TRMT11: variants seen among roughly 807,000 people sequenced by gnomAD.
The protein encoded by TRMT11 is tRNA (guanine(10)-N(2))-methyltransferase TRMT11.
In TRMT11, 53 loss-of-function variants were observed where a neutral mutation model predicts 62.8. The observed-to-expected ratio is 0.84, with a 90% CI of 0.68 to 1.06. TRMT11 has a LOEUF of 1.06. TRMT11 is among the 50% of genes least tolerant of loss of function. TRMT11 has a pLI of 0.00. For synonymous variants in TRMT11, 188 were observed against 190.3 expected, an observed-to-expected ratio of 0.99 and a Z score of 0.10; for missense variants, 556 against 553.4, an observed-to-expected ratio of 1.00 and a Z score of -0.05.
At chr6:126,205,942 C>T (rs553237581), downstream of TRMT11, among the ~76,000 whole-genome samples, 25 of 150,934 alleles carry the variant, frequency 1.7e-4, no homozygotes, top group East Asian at 1.4e-3. Context: ...CACACACATG[C>T]GCGCACACAC....
chr6:126,136,945 GAA>G (rs71272315), intron 21 of TRMT11, among the ~76,000 whole-genome samples: 1 of 144,970 alleles, frequency 6.9e-6, no homozygotes, highest in East Asian at 2.1e-4. Context: ...GTAGAAAAAT[GAA>G]AAAAAAAAGA....
chr6:126,105,569 C>T (rs930935837), intron 17 of TRMT11, among the ~76,000 whole-genome samples: 1 of 151,598 alleles, frequency 6.6e-6, no homozygotes. Context: ...TCGGTTTCCT[C>T]AGAGCATGCA....
the TRMT11 span, among the ~76,000 whole-genome samples, chr6:126,239,794 T>G: frequency 6.6e-6 from 1 of 152,196 alleles, no homozygotes; most frequent in Non-Finnish European, 1.5e-5. Flanking sequence ...ATAGTATCCT[T>G]CAGAGTGTTT....
At chr6:126,086,963 G>C (rs182393925) in intron 17 of TRMT11, among the ~76,000 whole-genome samples, 3 of 152,088 alleles carry the variant, frequency 2.0e-5, no homozygotes, top group Non-Finnish European at 4.4e-5. Context: ...TTGTGTTCTG[G>C]TTCTCTTTTA....
intron 21 of TRMT11, among the ~76,000 whole-genome samples, chr6:126,140,651 A>G (rs1044280713): frequency 2.6e-5 from 4 of 152,196 alleles, no homozygotes; most frequent in Admixed American, 1.3e-4. Context: ...TAAAATTTCC[A>G]CCTTAAAATG....
chr6:125,991,253 A>G (rs545671716), intron 1 of TRMT11, among the ~76,000 whole-genome samples: 464 of 151,702 alleles, frequency 3.1e-3, no homozygotes, highest in Non-Finnish European at 5.7e-3. Flanking sequence ...CTCAAAAAAA[A>G]AAAAAAAATT....
At chr6:126,091,152 C>T (rs757296496) in intron 17 of TRMT11, among the ~76,000 whole-genome samples, 2 of 150,542 alleles carry the variant, frequency 1.3e-5, no homozygotes, top group Non-Finnish European at 3.0e-5. Flanking sequence ...TGCAGTGAGC[C>T]GAGATCGCGC....
intron 17 of TRMT11, among the ~76,000 whole-genome samples, chr6:126,087,937 A>G (rs1221039502): frequency 1.3e-5 from 2 of 152,152 alleles, no homozygotes; most frequent in Non-Finnish European, 2.9e-5. Context: ...GAATCAGACT[A>G]TTTAATTGTT....
At position 126,162,099 on chromosome 6, in the gene TRMT11, C is replaced by T. The variant is rs572902964; in HGVS notation, c.*1824-12726C>T. Reference sequence around the variant, plus strand: ...ATTTATCAATTTTGGCTTTTGTTGCCGTTGCTTTTGGTGTTTTAGTCATGA... The same window carrying T: ...ATTTATCAATTTTGGCTTTTGTTGCTGTTGCTTTTGGTGTTTTAGTCATGA... On this transcript the variant is annotated intron_variant and NMD_transcript_variant, in intron 21 of 22. Coordinates refer to the TRMT11 transcript ENST00000648977. Among the ~76,000 whole-genome samples the T allele has an allele frequency of 9.0e-4, 137 of 152,090 alleles. 1 individual carries two copies. The highest frequency in any genetic ancestry group is 2.8e-3 in the African/African-American group (117 of 41,516).
chr6:126,047,616 T>C (rs1328308744), intron 16 of TRMT11, among the ~76,000 whole-genome samples: 1 of 152,154 alleles, frequency 6.6e-6, no homozygotes, highest in Non-Finnish European at 1.5e-5. Flanking sequence ...TCACCCTGAC[T>C]CTCCACTGAG....
chr6:126,003,086 A>G lies in TRMT11; in HGVS notation c.679+3473A>G, dbSNP rs547316676. Among the ~76,000 whole-genome samples the G allele has an allele frequency of 3.3e-5, 5 of 152,164 alleles. No individual in the cohort carries two copies. In the South Asian group the frequency reaches 8.3e-4, roughly 25 times the overall value. On this transcript the variant is annotated intron_variant, in intron 7 of 12. Transcript: ENST00000334379. ...TAGTTGGACATCGGTAGTTTTCAGT[A>G]TTTTACAGTTACAAATAATGCTTGA...
chr6:126,251,124 G>A, the TRMT11 span, among the ~76,000 whole-genome samples: 1 of 151,280 alleles, frequency 6.6e-6, no homozygotes, highest in African/African-American at 2.4e-5. Context: ...TCCGCCTCCC[G>A]GGTTCAAGCA....
At chr6:126,237,553 T>C in the TRMT11 span, among the ~76,000 whole-genome samples, 1 of 151,912 alleles carries the variant, frequency 6.6e-6, no homozygotes, top group African/African-American at 2.4e-5. Flanking sequence ...TGGTGGCACA[T>C]GCCTGACATC....
intron 21 of TRMT11, among the ~76,000 whole-genome samples, chr6:126,153,544 A>G (rs1263693666): frequency 1.3e-5 from 2 of 152,244 alleles, no homozygotes; most frequent in Non-Finnish European, 2.9e-5. Context: ...ATATGAGTAT[A>G]TGACTAAGAA....
chr6:126,116,546 A>G (rs1407852816), intron 21 of TRMT11, among the ~76,000 whole-genome samples: 1 of 152,076 alleles, frequency 6.6e-6, no homozygotes, highest in Non-Finnish European at 1.5e-5. Flanking sequence ...GGGTAGTGCA[A>G]ATAGTTAATT....
chr6:126,149,698 C>T (rs1778015551), intron 21 of TRMT11, among the ~76,000 whole-genome samples: 1 of 151,772 alleles, frequency 6.6e-6, no homozygotes, highest in South Asian at 2.1e-4. Flanking sequence ...TGCTACCCCA[C>T]TAAGGAGTGT....
upstream of TRMT11, among the ~76,000 whole-genome samples, chr6:126,174,730 C>T (rs1027322362): frequency 6.6e-6 from 1 of 152,154 alleles, no homozygotes; most frequent in South Asian, 2.1e-4. Context: ...TGGTCTACAT[C>T]CCCACCCTGA....
At chr6:126,164,935 G>T (rs58133312) in intron 21 of TRMT11, among the ~76,000 whole-genome samples, 5,775 of 152,056 alleles carry the variant, frequency 0.038, 369 homozygotes, top group African/African-American at 0.13. Flanking sequence ...TTTATCCAAT[G>T]TGCTAGTCTG....
rs1554236842 is a variant in TRMT11, at chr6:126,093,631, A to ATATTTTTTTTTT, written c.*1438-19234_*1438-19233insATTTTTTTTTTT. ...TATATATATATATATATATATATAT[A>ATATTTTTTTTTT]TTTTCCCCCAGTCCTGGAGGATCAA... On this transcript the variant is annotated intron_variant and NMD_transcript_variant, in intron 17 of 22. Coordinates refer to the TRMT11 transcript ENST00000648977. Among the ~76,000 whole-genome samples the ATATTTTTTTTTT allele has an allele frequency of 1.9e-4, 19 of 98,016 alleles. 2 individuals are homozygous for ATATTTTTTTTTT. Among genetic ancestry groups the ATATTTTTTTTTT allele is most frequent in the African/African-American group, 7.0e-4 (16 of 22,898 alleles). 64.3% of individuals were successfully genotyped at this position (98,016 alleles called of 152,430 possible).
Sources: gnomAD v4.1 joint callset for allele counts (sites outside exome capture counted in the v4.1 genomes callset) on GRCh38, gnomAD v4.1.1 for gene constraint, MANE v1.5 for transcripts, NCBI Gene and HGNC (gene_info 2026-07-23, HGNC 2026-07-21) for gene names.